The following PTPRD variants were observed in gnomAD, a reference collection of about 807,000 sequenced individuals.
PTPRD encodes the protein protein tyrosine phosphatase receptor type D.
A neutral mutation model predicts 214.5 loss-of-function variants in PTPRD; 34 were observed. The observed-to-expected ratio is 0.16, with a 90% CI of 0.12 to 0.21. The LOEUF (loss-of-function observed/expected upper bound fraction) is 0.21. Among genes scored for constraint, PTPRD ranks in the 10% least tolerant of loss-of-function variants. PTPRD has a pLI of 1.00. For synonymous variants in PTPRD, 1,128 were observed against 845.7 expected, an observed-to-expected ratio of 1.33 and a Z score of -5.79; for missense variants, 2,545 against 2,398.7, an observed-to-expected ratio of 1.06 and a Z score of -1.27.
At chr9:9,731,278 A>G (rs111484609) in intron 7 of PTPRD, among the ~76,000 whole-genome samples, 12 of 152,152 alleles carry the variant, frequency 7.9e-5, no homozygotes, top group African/African-American at 2.6e-4. Context: ...TTGTATTTCA[A>G]TAGTACTCTG....
At chr9:9,878,083 C>T (rs78282243) in intron 5 of PTPRD, among the ~76,000 whole-genome samples, 1 of 151,920 alleles carries the variant, frequency 6.6e-6, no homozygotes, top group East Asian at 1.9e-4. Flanking sequence ...GATAAAGGAC[C>T]CTGCCAACTG....
At chr9:10,540,154 A>G (rs760125219) in intron 2 of PTPRD, among the ~76,000 whole-genome samples, 1 of 152,020 alleles carries the variant, frequency 6.6e-6, no homozygotes, top group Non-Finnish European at 1.5e-5. Context: ...CTCAGCCTCC[A>G]GAGTAGTTGG....
rs186407572 is a variant in PTPRD at position 9,223,110 on chromosome 9, G to C, written c.-202-39747C>G. 1.0e-3 allele frequency among the ~76,000 whole-genome samples: 152 copies of C among 152,066 alleles called. 2 individuals carry two copies. In the East Asian group the frequency reaches 0.027, roughly 27 times the overall value. The stretch of plus-strand genomic sequence containing the variant: ...ATAAAGAAAACTGTGATGTGATAAA[G>C]CACTAATACAGTATTATAGATCCCC... On this transcript the variant is annotated intron_variant, in intron 9 of 45. Coordinates refer to ENST00000381196, the MANE Select transcript of PTPRD (RefSeq NM_002839.4).
At chr9:9,189,086 G>A (rs1461293271) in intron 9 of PTPRD, among the ~76,000 whole-genome samples, 1 of 151,826 alleles carries the variant, frequency 6.6e-6, no homozygotes, top group Non-Finnish European at 1.5e-5. Context: ...AGAAGAGATG[G>A]GAATACAATT....
intron 11 of PTPRD, among the ~76,000 whole-genome samples, chr9:8,790,672 G>A (rs193127595): frequency 2.0e-5 from 3 of 151,850 alleles, no homozygotes; most frequent in South Asian, 2.1e-4. Flanking sequence ...TTAGTCACAA[G>A]AGAAAACATT....
At chr9:9,019,701 G>A (rs570687807) in intron 10 of PTPRD, among the ~76,000 whole-genome samples, 56 of 152,150 alleles carry the variant, frequency 3.7e-4, no homozygotes, top group African/African-American at 1.2e-3. Flanking sequence ...GTGACACTCC[G>A]TTTCAAAACA....
At chr9:10,368,019 CTT>C (rs1442610640) in intron 2 of PTPRD, among the ~76,000 whole-genome samples, 4 of 152,042 alleles carry the variant, frequency 2.6e-5, no homozygotes, top group African/African-American at 9.7e-5. Flanking sequence ...TATTATCTAA[CTT>C]ATATCTAATA....
At chr9:8,802,239 T>C (rs971857823) in intron 11 of PTPRD, among the ~76,000 whole-genome samples, 3 of 152,160 alleles carry the variant, frequency 2.0e-5, no homozygotes, top group African/African-American at 7.2e-5. Context: ...TATAGATGCA[T>C]CCATTAAAGT....
intron 7 of PTPRD, among the ~76,000 whole-genome samples, chr9:9,581,593 C>G (rs1291352152): frequency 6.6e-6 from 1 of 152,076 alleles, no homozygotes; most frequent in African/African-American, 2.4e-5. Context: ...CAATGACCAT[C>G]TAAGTGATGC....
intron 11 of PTPRD, among the ~76,000 whole-genome samples, chr9:8,740,633 T>C (rs894615108): frequency 6.6e-6 from 1 of 152,166 alleles, no homozygotes; most frequent in African/African-American, 2.4e-5. Context: ...TATAAGAAAT[T>C]ATTTGTATGA....
intron 7 of PTPRD, among the ~76,000 whole-genome samples, chr9:9,646,117 A>T (rs1008417324): frequency 6.6e-6 from 1 of 152,184 alleles, no homozygotes; most frequent in Non-Finnish European, 1.5e-5. Flanking sequence ...CATCTAAGAC[A>T]GTCCATTTGT....
chr9:9,829,775 C>T (rs2054200645), intron 5 of PTPRD, among the ~76,000 whole-genome samples: 1 of 151,748 alleles, frequency 6.6e-6, no homozygotes, highest in South Asian at 2.1e-4. Context: ...TTGGAAATTA[C>T]TTTCAACTAT....
chr9:8,535,239 G>A (rs2076644729), intron 14 of PTPRD, among the ~76,000 whole-genome samples: 1 of 151,898 alleles, frequency 6.6e-6, no homozygotes, highest in Non-Finnish European at 1.5e-5. Context: ...TCAGAGGCAT[G>A]TGACTCTAAG....
chr9:8,377,055 A>T (rs2083458137), intron 37 of PTPRD, among the ~76,000 whole-genome samples: 1 of 152,128 alleles, frequency 6.6e-6, no homozygotes, highest in South Asian at 2.1e-4. Flanking sequence ...GTCCTGGGAT[A>T]GACGTTATGA....
At chr9:9,683,778 T>C (rs1219117716) in intron 7 of PTPRD, among the ~76,000 whole-genome samples, 2 of 151,922 alleles carry the variant, frequency 1.3e-5, no homozygotes, top group East Asian at 1.9e-4. Flanking sequence ...GATATAATTA[T>C]GTAATGTATA....
chr9:8,485,555 T>G (rs1433606431), intron 28 of PTPRD: 1 of 627,354 alleles, frequency 1.6e-6, no homozygotes, highest in African/African-American at 1.8e-5. Flanking sequence ...CTGAGGACAT[T>G]GGGGTGCTGT....
intron 3 of PTPRD, among the ~76,000 whole-genome samples, chr9:10,116,122 C>T (rs1052670712): frequency 3.3e-5 from 5 of 152,010 alleles, no homozygotes; most frequent in African/African-American, 1.2e-4. Context: ...TAAACAAAAA[C>T]ATAATTGCTT....
At chr9:8,502,871 C>A (rs1268943462) in intron 23 of PTPRD, among the ~76,000 whole-genome samples, 1 of 144,320 alleles carries the variant, frequency 6.9e-6, no homozygotes, top group Admixed American at 6.9e-5. Context: ...TATACACACA[C>A]ACACATATGT....
rs371758430 is a variant in PTPRD at position 8,376,601 on chromosome 9, G to A, written c.4506+6C>T. On this transcript the variant is annotated splice_donor_region_variant and intron_variant, in intron 38 of 45. Coordinates refer to ENST00000381196, the MANE Select transcript of PTPRD (RefSeq NM_002839.4). Reference sequence around the variant, plus strand: ...GAAAGGGAGGAGAAAAAGATGAAAAGCAAACCTTGTAAAGTGCAAATGTTC... The same window carrying A: ...GAAAGGGAGGAGAAAAAGATGAAAAACAAACCTTGTAAAGTGCAAATGTTC... 1.2e-6 allele frequency: 2 copies of A among 1,612,424 alleles called. No individual in the cohort carries two copies. The highest frequency in any genetic ancestry group is 2.7e-5 in the African/African-American group (2 of 74,808).
Sources: allele counts gnomAD v4.1 joint callset (sites outside exome capture counted in the v4.1 genomes callset), GRCh38; gene constraint gnomAD v4.1.1; transcripts MANE v1.5; gene names NCBI Gene and HGNC (gene_info 2026-07-23, HGNC 2026-07-21).